WNT7A: variants seen among roughly 807,000 people sequenced by gnomAD.
The protein encoded by WNT7A is protein Wnt-7a.
WNT7A carries 16 observed loss-of-function variants against 28.2 expected under a neutral mutation model. The observed-to-expected ratio is 0.57, with a 90% CI of 0.38 to 0.86. The LOEUF (loss-of-function observed/expected upper bound fraction) is 0.86, where lower values mean the gene tolerates loss of function less well. Among genes scored for constraint, WNT7A ranks in the 40% least tolerant of loss-of-function variants. WNT7A has a pLI of 0.00. For synonymous variants in WNT7A, 190 were observed against 195.9 expected, an observed-to-expected ratio of 0.97 and a Z score of 0.25; for missense variants, 411 against 489.7, an observed-to-expected ratio of 0.84 and a Z score of 1.52.
intron 3 of WNT7A, among the ~76,000 whole-genome samples, chr3:13,827,932 C>T (rs535213066): frequency 6.6e-6 from 1 of 152,212 alleles, no homozygotes; most frequent in South Asian, 2.1e-4. Context: ...CCCAACCCAG[C>T]CTTCTACAGC....
At chr3:13,872,447 C>G (rs1443977723) in intron 2 of WNT7A, among the ~76,000 whole-genome samples, 1 of 152,160 alleles carries the variant, frequency 6.6e-6, no homozygotes, top group African/African-American at 2.4e-5. Flanking sequence ...ACTCAAAATC[C>G]TCCAACGACT....
At chr3:13,868,849 TGAGAGA>T (rs1165748428) in intron 2 of WNT7A, among the ~76,000 whole-genome samples, 2 of 40,556 alleles carry the variant, frequency 4.9e-5, no homozygotes, top group African/African-American at 9.8e-5. Flanking sequence ...AGAGAGAAAG[TGAGAGA>T]GAGAGAGAAA....
chr3:13,868,726 A>AAGAAAGAAAGAAAGAGG, intron 2 of WNT7A, among the ~76,000 whole-genome samples: 1 of 147,664 alleles, frequency 6.8e-6, no homozygotes, highest in Admixed American at 6.7e-5. Flanking sequence ...GAAAGAAAGA[A>AAGAAAGAAAGAAAGAGG]AGAAAGAAAG....
At chr3:13,819,584 C>T (rs530079677) in intron 3 of WNT7A, among the ~76,000 whole-genome samples, 161 bp from the exon 4 acceptor site, 2 of 151,646 alleles carry the variant, frequency 1.3e-5, no homozygotes, top group Non-Finnish European at 2.9e-5. Context: ...ATTCTAGGCC[C>T]TCTCATTCCA....
chr3:13,859,339 C>A (rs183282403), intron 2 of WNT7A, among the ~76,000 whole-genome samples: 16 of 152,322 alleles, frequency 1.1e-4, no homozygotes, highest in African/African-American at 3.6e-4. Context: ...AGCTGTGTGA[C>A]CTTGGGCAAG....
chr3:13,853,071 C>A (rs367856810), intron 3 of WNT7A, among the ~76,000 whole-genome samples: 72 of 140,558 alleles, frequency 5.1e-4, no homozygotes, highest in African/African-American at 1.9e-3. Flanking sequence ...AAGTAGCCCT[C>A]TGCCTCCCAA....
At chr3:13,833,369 G>T (rs957403115) in intron 3 of WNT7A, among the ~76,000 whole-genome samples, 2 of 152,100 alleles carry the variant, frequency 1.3e-5, no homozygotes, top group Non-Finnish European at 1.5e-5. Context: ...CGGCACACAA[G>T]CGCACACACA....
At chr3:13,845,071 C>T (rs564783041) in intron 3 of WNT7A, among the ~76,000 whole-genome samples, 8 of 152,354 alleles carry the variant, frequency 5.3e-5, no homozygotes, top group Non-Finnish European at 1.0e-4. Flanking sequence ...CTCAGGGCCT[C>T]GCCATGCTGC....
At position 13,839,229 on chromosome 3, in the gene WNT7A, G is replaced by A. The variant is rs112520643; in HGVS notation, c.570+15303C>T. ...CATCCACATCACCTGGAAACTTGTC[G>A]GAAATGCAGAATCTCAGGCCCTGCC... On this transcript the variant is annotated intron_variant, in intron 3 of 3. Coordinates refer to ENST00000285018, the MANE Select transcript of WNT7A (RefSeq NM_004625.4). Among the ~76,000 whole-genome samples the A allele has an allele frequency of 9.9e-4, 151 of 152,240 alleles. 1 individual carries two copies. Among genetic ancestry groups the A allele is most frequent in the African/African-American group, 3.4e-3 (143 of 41,550 alleles).
intron 2 of WNT7A, among the ~76,000 whole-genome samples, chr3:13,873,968 G>T (rs4684166): frequency 6.6e-6 from 1 of 151,968 alleles, no homozygotes; most frequent in Non-Finnish European, 1.5e-5. Flanking sequence ...TTTAAGCAGC[G>T]CAGTGACATG....
intron 2 of WNT7A, among the ~76,000 whole-genome samples, chr3:13,862,520 T>A (rs533497758): frequency 6.6e-6 from 1 of 152,192 alleles, no homozygotes; most frequent in African/African-American, 2.4e-5. Context: ...TTGGAAAATA[T>A]ACAGATGGAA....
chr3:13,847,778 T>C (rs1254992172), intron 3 of WNT7A, among the ~76,000 whole-genome samples: 1 of 126,090 alleles, frequency 7.9e-6, no homozygotes, highest in Admixed American at 8.5e-5. Context: ...AGACAGAAAG[T>C]GGAAAGGTGG....
chr3:13,827,687 C>T (rs1415611868), intron 3 of WNT7A, among the ~76,000 whole-genome samples: 2 of 152,140 alleles, frequency 1.3e-5, no homozygotes, highest in Non-Finnish European at 2.9e-5. Flanking sequence ...CTCTGGCTCC[C>T]ACAGGGTCCA....
Position 13,851,202 on chromosome 3 carries a change from G to C in WNT7A, c.570+3330C>G, listed in dbSNP as rs61172671. Among the ~76,000 whole-genome samples, 1,113 of 152,262 alleles carry C rather than the reference G, an allele frequency of 7.3e-3. 10 individuals carry two copies. Among genetic ancestry groups the C allele is most frequent in the African/African-American group, 0.025 (1,056 of 41,544 alleles). The stretch of plus-strand genomic sequence containing the variant: ...TGTACTCCACTCTATCCCAGACAGG[G>C]CCAGAAACCTGCCCAAGCACTGCCC... On this transcript the variant is annotated intron_variant, in intron 3 of 3. Coordinates refer to ENST00000285018, the MANE Select transcript of WNT7A (RefSeq NM_004625.4).
At chr3:13,876,415 G>A (rs1695112219) in intron 1 of WNT7A, among the ~76,000 whole-genome samples, 5 of 152,168 alleles carry the variant, frequency 3.3e-5, no homozygotes, top group Admixed American at 3.3e-4. Flanking sequence ...TGACCTGGTG[G>A]TCCCCACTCC....
intron 3 of WNT7A, among the ~76,000 whole-genome samples, chr3:13,832,050 G>A (rs1389481891): frequency 6.6e-6 from 1 of 151,918 alleles, no homozygotes; most frequent in Non-Finnish European, 1.5e-5. Flanking sequence ...CTCCCATCCA[G>A]AGCTGCCACC....
intron 3 of WNT7A, among the ~76,000 whole-genome samples, chr3:13,852,128 C>G (rs1694648813): frequency 6.6e-6 from 1 of 152,232 alleles, no homozygotes; most frequent in African/African-American, 2.4e-5. Context: ...CTTCGACTGC[C>G]AGGGGAGTTG....
chr3:13,822,999 C>T (rs1347934747), intron 3 of WNT7A, among the ~76,000 whole-genome samples: 3 of 152,134 alleles, frequency 2.0e-5, no homozygotes, highest in Non-Finnish European at 4.4e-5. Context: ...GAATGGGCTC[C>T]GATCAGGTGA....
At chr3:13,844,729 T>G (rs773890607) in intron 3 of WNT7A, among the ~76,000 whole-genome samples, 7 of 152,038 alleles carry the variant, frequency 4.6e-5, no homozygotes, top group South Asian at 2.1e-4. Flanking sequence ...AGGCAAGGAG[T>G]CCTTCCTAGG....
Sources: gnomAD v4.1 joint callset for allele counts (sites outside exome capture counted in the v4.1 genomes callset) on GRCh38, gnomAD v4.1.1 for gene constraint, MANE v1.5 for transcripts, NCBI Gene and HGNC (gene_info 2026-07-23, HGNC 2026-07-21) for gene names.